The following AFF2 variants were observed in gnomAD, a reference collection of about 807,000 sequenced individuals.
AFF2 encodes AF4/FMR2 family member 2.
A neutral mutation model predicts 76.9 loss-of-function variants in AFF2; 14 were observed. That is an observed-to-expected ratio of 0.18 (90% confidence interval 0.12 to 0.28). The LOEUF is 0.28. Among genes scored for constraint, AFF2 ranks in the 10% least tolerant of loss-of-function variants. The pLI, the probability that AFF2 is intolerant of heterozygous loss-of-function variation, is 1.00. For synonymous variants in AFF2, 398 were observed against 366.7 expected, an observed-to-expected ratio of 1.09 and a Z score of -0.98; for missense variants, 868 against 1,001.1, an observed-to-expected ratio of 0.87 and a Z score of 1.79.
rs1199009737 is a variant in AFF2 at position 148,500,631 on chromosome X, AGCCGCTGCCGCCGCCGCCGCC to A, written c.-461_-441del. On this transcript the variant is annotated 5_prime_UTR_variant, in exon 1 of 21. Transcript: ENST00000370460. ...CCGCGGCCGCCGCCGCCGCCTGTGC[AGCCGCTGCCGCCGCCGCCGCC>A]GCCGCCGCCGCCGCCGCCGCCGCCG... The A allele has an allele frequency of 3.0e-4, 19 of 62,510 alleles. No individual in the cohort carries two copies. The highest frequency in any genetic ancestry group is 1.6e-3 in the Admixed American group (8 of 4,936). 5.2% of individuals were successfully genotyped at this position (62,510 alleles called of 1,213,427 possible).
intron 3 of AFF2, among the ~76,000 whole-genome samples, chrX:148,753,583 A>G (rs2055527221): frequency 8.9e-6 from 1 of 112,077 alleles, no homozygotes; most frequent in Non-Finnish European, 1.9e-5. Context: ...TTTTCTGATA[A>G]CTTCGGTTTG....
At chrX:148,814,045 T>C (rs2070234887) in intron 4 of AFF2, among the ~76,000 whole-genome samples, 1 of 112,306 alleles carries the variant, frequency 8.9e-6, no homozygotes, top group African/African-American at 3.2e-5. Context: ...CTTGCTTCCG[T>C]CAGCATGCTG....
intron 1 of AFF2, 59 bp from the exon 2 acceptor site, chrX:148,651,940 A>G: frequency 9.2e-7 from 1 of 1,085,310 alleles, no homozygotes. Context: ...AGGAAAATTT[A>G]AATGACTTGC....
At chrX:148,915,459 A>G (rs1449023347) in intron 9 of AFF2, among the ~76,000 whole-genome samples, 1 of 112,103 alleles carries the variant, frequency 8.9e-6, no homozygotes, top group Non-Finnish European at 1.9e-5. Context: ...ACCTCTCAGC[A>G]CCATACTGTC....
In AFF2 at chrX:148,837,668, A is replaced by G. The variant is rs782413958; in HGVS notation, c.1108A>G (p.Thr370Ala). The change falls in exon 5 of 21, where the codon ACT becomes GCT. Residue 370 changes from threonine to alanine, a missense_variant. Coordinates refer to ENST00000370460, the MANE Select transcript of AFF2 (RefSeq NM_002025.4). ...TTAGGAGATGACCCATTCCTGGCCT[A>G]CTCCTCTCACTTCCATGCATACTGC... ...ILREMTHSWP[T>A]PLTSMHTAGH... 8.4e-7 allele frequency: 1 copy of G among 1,189,542 alleles called. No individual in the cohort carries two copies. Among genetic ancestry groups the G allele is most frequent in the African/African-American group, 1.8e-5 (1 of 57,025 alleles).
intron 3 of AFF2, among the ~76,000 whole-genome samples, chrX:148,781,473 G>T (rs1333327674): frequency 6.2e-5 from 7 of 112,356 alleles, no homozygotes; most frequent in Non-Finnish European, 1.3e-4. Flanking sequence ...GCTTTGTGGT[G>T]CTATGGTGGG....
chrX:148,661,407 A>G (rs2054302637), intron 2 of AFF2, among the ~76,000 whole-genome samples: 2 of 112,207 alleles, frequency 1.8e-5, no homozygotes, highest in Non-Finnish European at 1.9e-5. Flanking sequence ...AACTTATTAT[A>G]GTCATGGTAG....
chrX:148,891,790 G>A (rs1179929276), intron 8 of AFF2, among the ~76,000 whole-genome samples: 4 of 111,875 alleles, frequency 3.6e-5, no homozygotes, highest in African/African-American at 1.3e-4. Flanking sequence ...ATTGGCATTA[G>A]AAGCAGCAGA....
chrX:148,772,503 AGTT>A (rs2069600013), intron 3 of AFF2, among the ~76,000 whole-genome samples: 1 of 104,048 alleles, frequency 9.6e-6, no homozygotes, highest in Non-Finnish European at 2.0e-5. Context: ...ACATTTTCAA[AGTT>A]GTTTTTTTTT....
chrX:148,511,355 C>T (rs1294425172), intron 1 of AFF2, among the ~76,000 whole-genome samples: 3 of 111,688 alleles, frequency 2.7e-5, no homozygotes, highest in African/African-American at 9.8e-5. Flanking sequence ...TATTTTTCTC[C>T]GCGCTTTTGT....
intron 3 of AFF2, among the ~76,000 whole-genome samples, chrX:148,758,815 C>A (rs781983758): frequency 8.9e-6 from 1 of 111,888 alleles, no homozygotes; most frequent in African/African-American, 3.2e-5. Flanking sequence ...AGGATAAAAT[C>A]CTAGAAGTGG....
chrX:148,989,151 CA>C (rs1255086116), intron 20 of AFF2, among the ~76,000 whole-genome samples: 59 of 112,359 alleles, frequency 5.3e-4, no homozygotes, highest in African/African-American at 1.8e-3. Context: ...CAGACTCATC[CA>C]GGGGTTCTAG....
rs782509467 is a variant in AFF2 at position 148,501,238 on chromosome X, G to C, written c.47+94G>C. On this transcript the variant is annotated intron_variant, in intron 1 of 20. Coordinates refer to ENST00000370460, the MANE Select transcript of AFF2 (RefSeq NM_002025.4). ...TGTTAAGAGGAGCTGAAGCTGTCGT[G>C]GGGGGCGCCCCGGACTCCCTCCCAC... 9.2e-6 allele frequency: 10 copies of C among 1,091,439 alleles called. No individual in the cohort carries two copies. In the African/African-American group the frequency reaches 1.3e-4, roughly 14 times the overall value. 89.9% of individuals were successfully genotyped at this position (1,091,439 alleles called of 1,213,427 possible). A position where few individuals can be genotyped will look rare whatever the true frequency, so the allele number is the denominator to read the frequency against.
intron 3 of AFF2, among the ~76,000 whole-genome samples, chrX:148,748,279 A>G (rs2055449922): frequency 8.9e-6 from 1 of 111,976 alleles, no homozygotes. Flanking sequence ...TAAGTATGTA[A>G]ATTAATGCTT....
intron 1 of AFF2, among the ~76,000 whole-genome samples, chrX:148,556,286 T>C (rs2053051878): frequency 8.9e-6 from 1 of 112,478 alleles, no homozygotes; most frequent in Non-Finnish European, 1.9e-5. Context: ...TATCTAAGCA[T>C]AGAAAAGCCT....
chrX:148,705,972 G>C (rs1173965920), intron 3 of AFF2, among the ~76,000 whole-genome samples: 1 of 111,809 alleles, frequency 8.9e-6, no homozygotes, highest in Middle Eastern at 4.6e-3. Flanking sequence ...ATGCAATCCT[G>C]GGGCTCTATA....
intron 3 of AFF2, among the ~76,000 whole-genome samples, chrX:148,704,162 A>G (rs1225590068): frequency 2.5e-5 from 1 of 40,674 alleles, no homozygotes; most frequent in African/African-American, 9.8e-5. Flanking sequence ...GTTTTGGAAC[A>G]TAATTTATTT....
At position 148,949,188 on chromosome X, in the gene AFF2, T is replaced by C. The variant is rs782359448; in HGVS notation, c.1398-4392T>C. On this transcript the variant is annotated intron_variant, in intron 9 of 20. Transcript: ENST00000370460. ...CAATGTGGCCTTTGGCCTCTCCATC[T>C]TATCTGCATCTATTCATTAATTATG... 6.3e-5 allele frequency among the ~76,000 whole-genome samples: 7 copies of C among 111,655 alleles called. No individual in the cohort carries two copies. In the South Asian group the frequency reaches 2.3e-3, roughly 37 times the overall value.
intron 7 of AFF2, among the ~76,000 whole-genome samples, chrX:148,868,156 G>T (rs782010017): frequency 9.0e-6 from 1 of 111,428 alleles, no homozygotes; most frequent in Non-Finnish European, 1.9e-5. Flanking sequence ...TTCCTCATCA[G>T]CATTCTCTGA....
Sources: allele counts gnomAD v4.1 joint callset (sites outside exome capture counted in the v4.1 genomes callset), GRCh38; gene constraint gnomAD v4.1.1; transcripts MANE v1.5; gene names NCBI Gene and HGNC (gene_info 2026-07-23, HGNC 2026-07-21).